Variants in COL27A1 observed in about 807,000 individuals in gnomAD.
COL27A1 encodes collagen alpha-1(XXVII) chain.
COL27A1 carries 106 observed loss-of-function variants against 251.3 expected under a neutral mutation model. The ratio of observed to expected loss-of-function variants is 0.42; its 90% CI spans 0.36 to 0.50. The LOEUF (loss-of-function observed/expected upper bound fraction) is 0.50. Ranked by LOEUF, COL27A1 falls within the 20% of genes least tolerant of loss-of-function variation. The pLI, the probability that COL27A1 is intolerant of heterozygous loss-of-function variation, is 0.00. For synonymous variants in COL27A1, 1,000 were observed against 986.3 expected, an observed-to-expected ratio of 1.01 and a Z score of -0.26; for missense variants, 2,325 against 2,522.8, an observed-to-expected ratio of 0.92 and a Z score of 1.68.
chr9:114,231,836 C>T lies in COL27A1; in HGVS notation c.2535C>T (p.Ser845=), dbSNP rs751042704. The T allele has an allele frequency of 3.7e-6, 6 of 1,614,134 alleles. No individual in the cohort carries two copies. The South Asian group carries it at 4.4e-5, about 12-fold the overall frequency. Residue 845 remains serine, a synonymous_variant, in exon 16 of 61, where the codon AGC becomes AGT. Coordinates refer to ENST00000356083, the MANE Select transcript of COL27A1 (RefSeq NM_032888.4). ...TTGTCTTGCAGGGACTGATGGGCAG[C>T]GTGGGGGAGCCCGGACTGAAAGGTG... ...GPKGMKGLMG[S]VGEPGLKGDK... is the part of the protein sequence containing the mutation.
At chr9:114,246,765 G>A (rs1833160669) in intron 24 of COL27A1, among the ~76,000 whole-genome samples, 2 of 152,192 alleles carry the variant, frequency 1.3e-5, no homozygotes, top group Non-Finnish European at 2.9e-5. Flanking sequence ...TAAAACAGGG[G>A]GAGGCCTGGA....
intron 16 of COL27A1, among the ~76,000 whole-genome samples, 158 bp from the exon 17 acceptor site, chr9:114,235,441 G>A (rs1027364310): frequency 1.3e-5 from 2 of 152,248 alleles, no homozygotes; most frequent in East Asian, 1.9e-4. Context: ...TGCTTTCCTC[G>A]CCAGGGGCCC....
intron 4 of COL27A1, among the ~76,000 whole-genome samples, chr9:114,179,839 T>C (rs1283078097): frequency 2.6e-3 from 250 of 97,616 alleles, no homozygotes; most frequent in African/African-American, 0.01. Flanking sequence ...CATCTTTTTT[T>C]TTTTTTTTTT....
At chr9:114,307,422 A>C (rs1265224603) in intron 58 of COL27A1, 1 of 482,466 alleles carries the variant, frequency 2.1e-6, no homozygotes, top group Non-Finnish European at 3.7e-6. Flanking sequence ...AAATGGATAC[A>C]TCCCAGTAGC....
chr9:114,306,462 G>A (rs549971147), intron 57 of COL27A1, 58 bp from the exon 58 acceptor site: 1 of 1,577,432 alleles, frequency 6.3e-7, no homozygotes, highest in African/African-American at 1.4e-5. Context: ...GTGGAGGCTT[G>A]AACCCCAGGC....
intron 48 of COL27A1, among the ~76,000 whole-genome samples, chr9:114,291,525 A>C (rs1324390409): frequency 3.9e-5 from 6 of 152,038 alleles, no homozygotes; most frequent in African/African-American, 1.4e-4. Context: ...GAGGCTGGCG[A>C]ATCACTTGAG....
chr9:114,227,151 C>T lies in COL27A1; in HGVS notation c.2467-3928C>T, dbSNP rs572300085. The stretch of plus-strand genomic sequence containing the variant: ...AGGGCAGGAAGGTGAGATGTGTGAG[C>T]AACCATCATGAAGGATGGGCACCAG... On this transcript the variant is annotated intron_variant, in intron 14 of 60. Coordinates refer to ENST00000356083, the MANE Select transcript of COL27A1 (RefSeq NM_032888.4). 2.4e-4 allele frequency among the ~76,000 whole-genome samples: 36 copies of T among 152,234 alleles called. No homozygotes were observed. In the South Asian group the frequency reaches 7.1e-3, roughly 30 times the overall value.
intron 5 of COL27A1, among the ~76,000 whole-genome samples, chr9:114,186,329 G>T (rs1828334099): frequency 6.6e-6 from 1 of 152,258 alleles, no homozygotes; most frequent in Non-Finnish European, 1.5e-5. Flanking sequence ...CTGACCCGTG[G>T]CAGGTGCTGC....
At chr9:114,293,517 G>C (rs1477809298) in intron 49 of COL27A1, among the ~76,000 whole-genome samples, 1 of 148,018 alleles carries the variant, frequency 6.8e-6, no homozygotes, top group Non-Finnish European at 1.5e-5. Flanking sequence ...AAAGTGAGCA[G>C]AGGGAAGGAA....
chr9:114,297,541 G>A (rs1234638481), intron 49 of COL27A1, among the ~76,000 whole-genome samples: 1 of 152,202 alleles, frequency 6.6e-6, no homozygotes, highest in East Asian at 1.9e-4. Flanking sequence ...ATCAATCAAT[G>A]TAATACACCA....
In COL27A1 at chr9:114,294,247, CAAA is replaced by C. The variant is rs58536000; in HGVS notation, c.4584+2057_4584+2059del. Among the ~76,000 whole-genome samples, 154 of 84,262 alleles carry C rather than the reference CAAA, an allele frequency of 1.8e-3. 1 individual carries two copies. Among genetic ancestry groups the C allele is most frequent in the South Asian group, 3.3e-3 (8 of 2,400 alleles). The allele number at this position is 84,262 out of a possible 152,430, so 55.3% of individuals were successfully genotyped here. A position where few individuals can be genotyped will look rare whatever the true frequency, so the allele number is the denominator to read the frequency against. On this transcript the variant is annotated intron_variant, in intron 49 of 60. Coordinates refer to ENST00000356083, the MANE Select transcript of COL27A1 (RefSeq NM_032888.4). ...TGGGCGACAGGGAGAGACTCTGTCT[CAAA>C]AAAAAAAAAAAAAAAAAAAGAAGGA... is the stretch of plus-strand genomic sequence containing the variant.
chr9:114,302,669 C>T (rs940030924), intron 56 of COL27A1, among the ~76,000 whole-genome samples: 4 of 150,734 alleles, frequency 2.7e-5, no homozygotes, highest in African/African-American at 4.9e-5. Context: ...GATCGAGCCA[C>T]TGCACTCCAG....
At position 114,195,814 on chromosome 9, in the gene COL27A1, C is replaced by T. The variant is rs556137038; in HGVS notation, c.2071-145C>T. ...CTCACTCTTCTTGCTGGGCAGCCCCCGAGTCTCCTCTGAGGCCTCTACTTC... is the reference window on the plus strand; with the variant it reads ...CTCACTCTTCTTGCTGGGCAGCCCCTGAGTCTCCTCTGAGGCCTCTACTTC... On this transcript the variant is annotated intron_variant, in intron 6 of 60. Coordinates refer to ENST00000356083, the MANE Select transcript of COL27A1 (RefSeq NM_032888.4). 1.5e-4 allele frequency: 106 copies of T among 691,386 alleles called. No homozygotes were observed. In the African/African-American group the frequency reaches 1.7e-3, roughly 11 times the overall value. The allele number at this position is 691,386 out of a possible 1,614,324, so 42.8% of individuals were successfully genotyped here.
intron 1 of COL27A1, among the ~76,000 whole-genome samples, chr9:114,156,249 C>A: frequency 2.0e-5 from 1 of 50,588 alleles, no homozygotes; most frequent in Non-Finnish European, 3.9e-5. Context: ...CCCGTTGGGG[C>A]GGGGGCAGAG....
intron 59 of COL27A1, 139 bp from the exon 60 acceptor site, chr9:114,309,121 G>A: frequency 2.7e-6 from 2 of 746,170 alleles, no homozygotes; most frequent in Non-Finnish European, 4.8e-6. Context: ...TATCAAGTGG[G>A]CACATGTCTG....
chr9:114,223,806 T>A (rs1831281107), intron 14 of COL27A1, among the ~76,000 whole-genome samples: 1 of 152,288 alleles, frequency 6.6e-6, no homozygotes, highest in South Asian at 2.1e-4. Flanking sequence ...ACTTGGAGGA[T>A]TGTTGTGAGT....
At chr9:114,301,539 C>G (rs1828636921) in intron 54 of COL27A1, 77 bp downstream of exon 54, 1 of 1,559,552 alleles carries the variant, frequency 6.4e-7, no homozygotes, top group Non-Finnish European at 8.7e-7. Context: ...GTGGTACATT[C>G]TCTCCCTCCG....
chr9:114,163,502 G>T (rs564427982), intron 2 of COL27A1, among the ~76,000 whole-genome samples: 4 of 152,236 alleles, frequency 2.6e-5, no homozygotes, highest in Non-Finnish European at 5.9e-5. Context: ...TGCTATCCCT[G>T]AGGGGCTGTC....
intron 3 of COL27A1, among the ~76,000 whole-genome samples, chr9:114,175,173 T>C (rs1443423789): frequency 1.3e-5 from 2 of 152,200 alleles, no homozygotes; most frequent in Non-Finnish European, 2.9e-5. Flanking sequence ...GTTGTTTCCA[T>C]GGCTCTGTTT....
Sources: gnomAD v4.1 joint callset for allele counts (sites outside exome capture counted in the v4.1 genomes callset) on GRCh38, gnomAD v4.1.1 for gene constraint, MANE v1.5 for transcripts, NCBI Gene and HGNC (gene_info 2026-07-23, HGNC 2026-07-21) for gene names.